The following ARSF variants were observed in gnomAD, a reference collection of about 807,000 sequenced individuals.
ARSF encodes the protein arylsulfatase F.
ARSF carries 33 observed loss-of-function variants against 35.4 expected under a neutral mutation model. The observed-to-expected ratio is 0.93, with a 90% CI of 0.71 to 1.25. The LOEUF (loss-of-function observed/expected upper bound fraction) is 1.25, where lower values mean the gene tolerates loss of function less well. ARSF is among the 50% of genes most tolerant of loss of function. ARSF has a pLI of 0.00. For synonymous variants in ARSF, 222 were observed against 193.1 expected (o/e 1.15, Z -1.24); for missense variants, 501 against 480.2 (o/e 1.04, Z -0.40).
rs2090394780 is a variant in ARSF at position 3,103,765 on chromosome X, G to A, written c.1106G>A (p.Gly369Glu). 1 of 1,210,943 alleles carries A rather than the reference G, an allele frequency of 8.3e-7. No homozygotes were observed. Among genetic ancestry groups the A allele is most frequent in the Non-Finnish European group, 1.1e-6 (1 of 895,063 alleles). Residue 369 changes from glycine (G) to glutamate (E), a missense_variant, in exon 9 of 11, where the codon GGA becomes GAA. Physicochemically the swap from Gly to Glu is moderately conservative, Grantham distance 98 (BLOSUM62 -2). Coordinates refer to ENST00000381127, the MANE Select transcript of ARSF (RefSeq NM_001201539.2). ...ACTTAATTGCATTGTCTTATAGGTG[G>A]AAAAGGCATGGGGGGCTGGGAAGGT... is the stretch of plus-strand genomic sequence containing the variant. ...LGGWNGIYKGGKGMGGWEGGI... is the reference protein window; with the variant it reads ...LGGWNGIYKGEKGMGGWEGGI...
intron 7 of ARSF, among the ~76,000 whole-genome samples, chrX:3,091,831 G>T (rs2090292907): frequency 2.5e-5 from 2 of 79,772 alleles, no homozygotes; most frequent in African/African-American, 1.0e-4. Context: ...ACTGATAGTT[G>T]ATAGATGATA....
At chrX:3,066,013 C>T (rs1278179720) in intron 1 of ARSF, among the ~76,000 whole-genome samples, 1 of 111,320 alleles carries the variant, frequency 9.0e-6, no homozygotes, top group Non-Finnish European at 1.9e-5. Context: ...TCACTCGAGC[C>T]TGGAAGTCGA....
Position 3,080,906 on chromosome X carries a change from G to T in ARSF, c.299G>T (p.Gly100Val). The change falls in exon 5 of 11, where the codon GGT becomes GTT. Residue 100 changes from glycine to valine, a missense_variant. Physicochemically the swap from Gly to Val is moderately radical, Grantham distance 109 (BLOSUM62 -3). Transcript: ENST00000381127. ...YPIRSGMVSS[G>V]NRRVIQNLAV... ...CTACATCTAGGTATGGTTTCTAGTGGTAATAGACGTGTCATCCAAAATCTT... is the reference window on the plus strand; with the variant it reads ...CTACATCTAGGTATGGTTTCTAGTGTTAATAGACGTGTCATCCAAAATCTT... The T allele has an allele frequency of 8.3e-7, 1 of 1,211,339 alleles. No individual in the cohort carries two copies. The highest frequency in any genetic ancestry group is 1.1e-6 in the Non-Finnish European group (1 of 895,306).
intron 5 of ARSF, among the ~76,000 whole-genome samples, chrX:3,083,609 T>C (rs1361949792): frequency 9.0e-6 from 1 of 111,203 alleles, no homozygotes; most frequent in East Asian, 2.8e-4. Context: ...TTATCTATCA[T>C]CTATCTTTCT....
intron 4 of ARSF, 79 bp downstream of exon 4, chrX:3,076,748 T>C (rs2090155294): frequency 3.5e-6 from 4 of 1,145,204 alleles, no homozygotes; most frequent in Non-Finnish European, 4.7e-6. Flanking sequence ...TTGACCACGT[T>C]AACAAGTAAA....
intron 1 of ARSF, among the ~76,000 whole-genome samples, chrX:3,052,091 A>G (rs1223533716): frequency 8.9e-6 from 1 of 112,116 alleles, no homozygotes; most frequent in East Asian, 2.8e-4. Flanking sequence ...TATTTTAATC[A>G]CTTACTGTTG....
intron 5 of ARSF, among the ~76,000 whole-genome samples, chrX:3,082,816 G>A (rs1179134520): frequency 9.1e-6 from 1 of 110,330 alleles, no homozygotes; most frequent in Non-Finnish European, 1.9e-5. Context: ...TATCTTACCT[G>A]TCTATTCATC....
At chrX:3,051,856 G>C (rs746803451) in intron 1 of ARSF, among the ~76,000 whole-genome samples, 36 of 110,521 alleles carry the variant, frequency 3.3e-4, no homozygotes, top group Middle Eastern at 9.3e-3. Context: ...AGCTGGGTGT[G>C]GTGGTGAACA....
At chrX:3,092,172 GATAGATAC>G (rs1205236055) in intron 7 of ARSF, among the ~76,000 whole-genome samples, 207 of 25,144 alleles carry the variant, frequency 8.2e-3, no homozygotes, top group South Asian at 0.023. Context: ...ATAGATGATA[GATAGATAC>G]ATACATACAT....
At chrX:3,099,602 G>A (rs1316348496) in intron 7 of ARSF, among the ~76,000 whole-genome samples, 2 of 111,382 alleles carry the variant, frequency 1.8e-5, no homozygotes, top group Non-Finnish European at 3.8e-5. Context: ...CCCAACAATG[G>A]TTATAAAATT....
intron 2 of ARSF, among the ~76,000 whole-genome samples, chrX:3,069,211 C>T (rs1044339864): frequency 1.8e-5 from 2 of 111,873 alleles, no homozygotes; most frequent in Admixed American, 9.6e-5. Context: ...TCTTTCTTTT[C>T]CTCAATTCAG....
At chrX:3,045,023 T>C (rs1459723271) in intron 1 of ARSF, among the ~76,000 whole-genome samples, 1 of 111,394 alleles carries the variant, frequency 9.0e-6, no homozygotes. Flanking sequence ...GTAAGATGTA[T>C]TTTTGGTGAG....
chrX:3,084,544 C>A lies in ARSF; in HGVS notation c.708C>A (p.Ser236Arg), dbSNP rs201008666. ...IFLLGYAWFS[S>R]HTSPLYWDCL... ...TCTTGGGCTATGCTTGGTTCTCCAG[C>A]CACACGTCCCCTTTATACTGGGACT... Residue 236 changes from serine to arginine, a missense_variant, in exon 6 of 11, where the codon AGC becomes AGA. By Grantham distance (110) the Ser-to-Arg change is moderately radical. Coordinates refer to ENST00000381127, the MANE Select transcript of ARSF (RefSeq NM_001201539.2). 1.8e-5 allele frequency: 22 copies of A among 1,209,634 alleles called. 1 individual carries two copies. The African/African-American group carries it at 2.3e-4, about 13-fold the overall frequency.
intron 1 of ARSF, among the ~76,000 whole-genome samples, chrX:3,065,612 C>T (rs988509503): frequency 2.0e-5 from 2 of 101,407 alleles, no homozygotes; most frequent in African/African-American, 3.7e-5. Context: ...ACTCCAGCTT[C>T]GGCAACAGAG....
intron 1 of ARSF, among the ~76,000 whole-genome samples, chrX:3,049,722 C>T (rs1484617228): frequency 2.7e-5 from 3 of 111,182 alleles, no homozygotes; most frequent in Non-Finnish European, 3.8e-5. Context: ...TTCCCCTTGG[C>T]TTGGGGATTT....
intron 7 of ARSF, among the ~76,000 whole-genome samples, chrX:3,094,037 C>G (rs1433658015): frequency 9.0e-6 from 1 of 111,670 alleles, no homozygotes. Flanking sequence ...ACTTTTGCAC[C>G]AACCTAATAG....
chrX:3,043,920 G>A (rs1250809320), intron 1 of ARSF, among the ~76,000 whole-genome samples: 2 of 110,901 alleles, frequency 1.8e-5, no homozygotes, highest in African/African-American at 3.3e-5. Context: ...CATGTAGCTG[G>A]AACCACAGGT....
chrX:3,043,525 CT>C (rs2089963389), intron 1 of ARSF, among the ~76,000 whole-genome samples: 1 of 111,422 alleles, frequency 9.0e-6, no homozygotes, highest in South Asian at 3.8e-4. Flanking sequence ...TCCATAATCT[CT>C]TCTTGAAATT....
At chrX:3,072,281 T>G (rs2090111235) in intron 3 of ARSF, 106 bp downstream of exon 3, 1 of 825,608 alleles carries the variant, frequency 1.2e-6, no homozygotes, top group East Asian at 3.3e-5. Context: ...TGTTGGGACT[T>G]TTTTTTAAGT....
Sources: gnomAD v4.1 joint callset for allele counts (sites outside exome capture counted in the v4.1 genomes callset) on GRCh38, gnomAD v4.1.1 for gene constraint, MANE v1.5 for transcripts, NCBI Gene and HGNC (gene_info 2026-07-23, HGNC 2026-07-21) for gene names.